Variants in NDC80 observed in about 807,000 individuals in gnomAD.
NDC80 encodes NDC80 kinetochore complex component, also known as kinetochore protein NDC80 homolog.
Under a neutral mutation model 89.3 loss-of-function variants are expected in NDC80, and 69 were observed. The ratio of observed to expected loss-of-function variants is 0.77; its 90% CI spans 0.64 to 0.94. The LOEUF is 0.94. Ranked by LOEUF, NDC80 falls within the 40% of genes least tolerant of loss-of-function variation. NDC80 has a pLI of 0.00. For missense variants in NDC80, 593 were observed against 739.6 expected, an observed-to-expected ratio of 0.80 and a Z score of 2.30; for synonymous variants, 243 against 255.6, an observed-to-expected ratio of 0.95 and a Z score of 0.47.
chr18:2,600,362 G>A (rs548486826), intron 12 of NDC80, among the ~76,000 whole-genome samples: 20 of 152,160 alleles, frequency 1.3e-4, no homozygotes, highest in Non-Finnish European at 2.1e-4. Flanking sequence ...TGTAATCCCA[G>A]CACTTTGGGA....
chr18:2,573,726 C>G (rs888234412), intron 2 of NDC80, among the ~76,000 whole-genome samples: 31 of 152,208 alleles, frequency 2.0e-4, no homozygotes, highest in Non-Finnish European at 3.4e-4. Flanking sequence ...ATAGTATGAG[C>G]CTATGTTACT....
Position 2,572,018 on chromosome 18 carries a change from T to G in NDC80, c.-10+335T>G, listed in dbSNP as rs376871780. On this transcript the variant is annotated intron_variant, in intron 1 of 16. Transcript: ENST00000261597. The stretch of plus-strand genomic sequence containing the variant: ...TGGGTGGGTTGCGTCTGAATACTAG[T>G]GTAGCTTCTTATGGCCGTGTAGGAC... Among the ~76,000 whole-genome samples, 245 of 152,272 alleles carry G rather than the reference T, an allele frequency of 1.6e-3. 2 individuals carry two copies. Among genetic ancestry groups the G allele is most frequent in the African/African-American group, 5.7e-3 (237 of 41,578 alleles).
chr18:2,593,331 T>A (rs1490490399), intron 10 of NDC80, among the ~76,000 whole-genome samples: 1 of 152,112 alleles, frequency 6.6e-6, no homozygotes, highest in African/African-American at 2.4e-5. Context: ...TATCTCATTT[T>A]TTCACATAGT....
At chr18:2,597,273 G>A (rs1002391753) in intron 11 of NDC80, among the ~76,000 whole-genome samples, 19 of 152,136 alleles carry the variant, frequency 1.2e-4, no homozygotes, top group African/African-American at 4.6e-4. Context: ...ACCAGAGGAT[G>A]AAGACTCTTC....
At chr18:2,574,960 TAA>T in intron 2 of NDC80, 27 bp from the exon 3 acceptor site, 1 of 1,421,788 alleles carries the variant, frequency 7.0e-7, no homozygotes, top group African/African-American at 1.5e-5. Context: ...ATTTTTATTT[TAA>T]AGAGTTGTTT....
chr18:2,580,811 G>A (rs1012364217), intron 6 of NDC80, among the ~76,000 whole-genome samples: 3 of 131,628 alleles, frequency 2.3e-5, no homozygotes, highest in Admixed American at 9.3e-5. Context: ...GCACAATCTC[G>A]GCTCACTGCA....
intron 6 of NDC80, among the ~76,000 whole-genome samples, chr18:2,583,641 G>A (rs1488181092): frequency 6.6e-6 from 1 of 150,646 alleles, no homozygotes; most frequent in African/African-American, 2.5e-5. Context: ...AGGTTGCAGT[G>A]AGCCGAGATC....
intron 11 of NDC80, among the ~76,000 whole-genome samples, chr18:2,597,361 G>C (rs2072662275): frequency 6.6e-6 from 1 of 152,114 alleles, no homozygotes; most frequent in Non-Finnish European, 1.5e-5. Flanking sequence ...TTACATCTCA[G>C]AAAGATCTTA....
At chr18:2,584,810 G>A (rs6506018) in intron 6 of NDC80, among the ~76,000 whole-genome samples, 8,806 of 152,184 alleles carry the variant, frequency 0.058, 864 homozygotes, top group African/African-American at 0.2. Context: ...GTTAATAACA[G>A]CATAAAGGTC....
Position 2,601,427 on chromosome 18 carries a change from A to G in NDC80, c.1406A>G (p.Glu469Gly), listed in dbSNP as rs1426665223. The G allele has an allele frequency of 6.5e-7, 1 of 1,527,872 alleles. No homozygotes were observed. The highest frequency in any genetic ancestry group is 8.9e-7 in the Non-Finnish European group (1 of 1,121,400). The allele number at this position is 1,527,872 out of a possible 1,614,324, so 94.6% of individuals were successfully genotyped here. A position where few individuals can be genotyped will look rare whatever the true frequency, so the allele number is the denominator to read the frequency against. Residue 469 changes from glutamate (E) to glycine (G), a missense_variant, in exon 13 of 17, where the codon GAA (glutamate) becomes GGA (glycine). Physicochemically the swap from Glu to Gly is moderately conservative, Grantham distance 98 (BLOSUM62 -2). Coordinates refer to ENST00000261597, the MANE Select transcript of NDC80 (RefSeq NM_006101.3). ...CTTAAGGAACTCCTGAATGAAACTGAAGAAGAAATTAATAAAGCCCTAAAT... is the reference window on the plus strand; with the variant it reads ...CTTAAGGAACTCCTGAATGAAACTGGAGAAGAAATTAATAAAGCCCTAAAT... ...VPLKELLNET[E>G]EEINKALNKK... is the part of the protein sequence containing the mutation.
chr18:2,574,720 G>A (rs905316505), intron 2 of NDC80, among the ~76,000 whole-genome samples: 4 of 152,118 alleles, frequency 2.6e-5, no homozygotes, highest in Non-Finnish European at 5.9e-5. Flanking sequence ...AGACCCTGCT[G>A]AGGTTAAAAC....
At chr18:2,614,644 A>G (rs1335286236) in intron 16 of NDC80, among the ~76,000 whole-genome samples, 1 of 93,496 alleles carries the variant, frequency 1.1e-5, no homozygotes, top group East Asian at 3.7e-4. Context: ...AAAGAAAGAA[A>G]GAAAGAAAGA....
intron 6 of NDC80, among the ~76,000 whole-genome samples, chr18:2,580,030 G>T (rs1326934139): frequency 6.8e-6 from 1 of 147,804 alleles, no homozygotes; most frequent in Non-Finnish European, 1.5e-5. Context: ...TAACTTGCTT[G>T]TACATGGTTT....
At chr18:2,580,384 G>A (rs999672927) in intron 6 of NDC80, among the ~76,000 whole-genome samples, 1 of 151,170 alleles carries the variant, frequency 6.6e-6, no homozygotes, top group Non-Finnish European at 1.5e-5. Context: ...AGAAATGTGA[G>A]TTTTTATCTA....
rs576850439 is a variant in NDC80, at chr18:2,602,070, C to T, written c.1464+585C>T. Among the ~76,000 whole-genome samples the T allele has an allele frequency of 7.8e-4, 119 of 152,078 alleles. 1 individual carries two copies. Among genetic ancestry groups the T allele is most frequent in the Non-Finnish European group, 1.3e-3 (86 of 67,980 alleles). On this transcript the variant is annotated intron_variant, in intron 13 of 16. Transcript: ENST00000261597. The stretch of plus-strand genomic sequence containing the variant: ...AGTTAAGAAAAGTTAAGCTACTTCT[C>T]AAATGCACACACAAAGGATTTCATT...
At chr18:2,576,719 GAC>G (rs1020243113) in intron 3 of NDC80, among the ~76,000 whole-genome samples, 1 of 152,104 alleles carries the variant, frequency 6.6e-6, no homozygotes, top group African/African-American at 2.4e-5. Context: ...TGGCATAAGT[GAC>G]ACAAATGCGT....
chr18:2,599,970 C>G (rs2072676269), intron 12 of NDC80, among the ~76,000 whole-genome samples: 2 of 152,112 alleles, frequency 1.3e-5, no homozygotes, highest in Admixed American at 6.5e-5. Context: ...CCAGAGAGAA[C>G]AGTTTGTGAG....
intron 5 of NDC80, among the ~76,000 whole-genome samples, chr18:2,578,352 C>T (rs978978098): frequency 1.3e-4 from 20 of 152,070 alleles, no homozygotes; most frequent in African/African-American, 4.8e-4. Flanking sequence ...GAAGGATTAA[C>T]AAATTGTTAG....
chr18:2,580,334 CTCTT>C (rs1277150119), intron 6 of NDC80, among the ~76,000 whole-genome samples: 3 of 150,594 alleles, frequency 2.0e-5, no homozygotes, highest in African/African-American at 4.9e-5. Context: ...TTTTCTCTCT[CTCTT>C]TTTTTTTTTA....
Sources: gnomAD v4.1 joint callset for allele counts (sites outside exome capture counted in the v4.1 genomes callset) on GRCh38, gnomAD v4.1.1 for gene constraint, MANE v1.5 for transcripts, NCBI Gene and HGNC (gene_info 2026-07-23, HGNC 2026-07-21) for gene names.